MED13: variants seen among roughly 807,000 people sequenced by gnomAD.
The protein encoded by MED13 is mediator complex subunit 13, also known as mediator of RNA polymerase II transcription subunit 13.
In MED13, 23 loss-of-function variants were observed where a neutral mutation model predicts 225.2. That is an observed-to-expected ratio of 0.10 (90% CI 0.07 to 0.14). The LOEUF (loss-of-function observed/expected upper bound fraction) is 0.14. Ranked by LOEUF, MED13 falls within the 10% of genes least tolerant of loss-of-function variation. The pLI, the probability that MED13 is intolerant of heterozygous loss-of-function variation, is 1.00. For synonymous variants in MED13, 942 were observed against 889.2 expected, an observed-to-expected ratio of 1.06 and a Z score of -1.06; for missense variants, 2,197 against 2,594.5, an observed-to-expected ratio of 0.85 and a Z score of 3.33.
At chr17:62,049,727 C>T (rs770145686) in intron 3 of MED13, among the ~76,000 whole-genome samples, 4 of 151,250 alleles carry the variant, frequency 2.6e-5, no homozygotes, top group African/African-American at 4.9e-5. Context: ...GTCAGGAGAT[C>T]GAGACCATCC....
chr17:62,008,470 T>G (rs2080475645), intron 9 of MED13, among the ~76,000 whole-genome samples: 1 of 152,086 alleles, frequency 6.6e-6, no homozygotes, highest in African/African-American at 2.4e-5. Flanking sequence ...GAGATCGCGT[T>G]TTTTTAAATG....
At chr17:61,948,639 A>G (rs1188390438) in intron 28 of MED13, among the ~76,000 whole-genome samples, 1 of 151,774 alleles carries the variant, frequency 6.6e-6, no homozygotes, top group Non-Finnish European at 1.5e-5. Context: ...GACTACTAGT[A>G]TATAGAAAAT....
At chr17:62,034,832 T>G (rs2080788678) in intron 4 of MED13, among the ~76,000 whole-genome samples, 1 of 152,062 alleles carries the variant, frequency 6.6e-6, no homozygotes, top group Non-Finnish European at 1.5e-5. Flanking sequence ...CACATGGCTC[T>G]GGCCGGACAT....
chr17:61,949,186 T>C (rs1567936155), intron 28 of MED13, among the ~76,000 whole-genome samples: 2 of 152,154 alleles, frequency 1.3e-5, no homozygotes, highest in Admixed American at 6.5e-5. Context: ...TTATATCTCA[T>C]TTTGTGACTT....
In MED13 at chr17:61,955,670, G is replaced by A. The variant is rs780332967; in HGVS notation, c.5782+10C>T. The A allele has an allele frequency of 1.9e-6, 3 of 1,587,356 alleles. No individual in the cohort carries two copies. Among genetic ancestry groups the A allele is most frequent in the Non-Finnish European group, 2.6e-6 (3 of 1,173,172 alleles). On this transcript the variant is annotated intron_variant, in intron 25 of 29. Transcript: ENST00000397786. Reference sequence around the variant, plus strand: ...AGAATTAAATCTGATATAAACTAAAGATAGCTAACCTGGCATAATAACAAA... The same window carrying A: ...AGAATTAAATCTGATATAAACTAAAAATAGCTAACCTGGCATAATAACAAA...
intron 9 of MED13, 56 bp from the exon 10 acceptor site, chr17:61,995,421 A>G: frequency 6.4e-6 from 8 of 1,253,794 alleles, no homozygotes; most frequent in Non-Finnish European, 8.8e-6. Flanking sequence ...AAAATTTCCA[A>G]AATGACGTTA....
chr17:62,060,639 C>T (rs1191767049), intron 2 of MED13, among the ~76,000 whole-genome samples: 11 of 137,720 alleles, frequency 8.0e-5, no homozygotes, highest in South Asian at 6.9e-4. Flanking sequence ...AATGAGACTC[C>T]GTCTCAAAAA....
At chr17:61,980,942 T>C (rs1277280590) in intron 16 of MED13, among the ~76,000 whole-genome samples, 3 of 151,970 alleles carry the variant, frequency 2.0e-5, no homozygotes, top group Middle Eastern at 3.4e-3. Context: ...GGCAGGCTGG[T>C]CTCAAACTCC....
chr17:62,061,134 T>C (rs972999920), intron 2 of MED13, among the ~76,000 whole-genome samples: 4 of 152,170 alleles, frequency 2.6e-5, no homozygotes, highest in South Asian at 4.1e-4. Context: ...ACATGAAACC[T>C]AGAAGACAAA....
intron 9 of MED13, chr17:62,006,506 ATT>A (rs2080450274): frequency 6.6e-6 from 1 of 152,176 alleles, no homozygotes; most frequent in Non-Finnish European, 1.5e-5. Context: ...CATAAAGCGA[ATT>A]ATCTGACACC....
intron 8 of MED13, among the ~76,000 whole-genome samples, chr17:62,025,739 G>C (rs1426618871): frequency 6.6e-6 from 1 of 152,170 alleles, no homozygotes; most frequent in Non-Finnish European, 1.5e-5. Context: ...ATTCATCACT[G>C]TTTGCTGACC....
At chr17:62,053,465 C>T (rs1051801912) in intron 2 of MED13, among the ~76,000 whole-genome samples, 1 of 152,126 alleles carries the variant, frequency 6.6e-6, no homozygotes, top group Non-Finnish European at 1.5e-5. Flanking sequence ...AAAACATTAA[C>T]ACAGTCATTT....
chr17:61,971,607 T>C (rs1244311359), intron 17 of MED13, among the ~76,000 whole-genome samples: 1 of 152,144 alleles, frequency 6.6e-6, no homozygotes, highest in African/African-American at 2.4e-5. Flanking sequence ...GCTACCATCT[T>C]AGTTTTTAAA....
rs1567979800 is a variant in MED13 at position 62,015,942 on chromosome 17, A to ATT, written c.1284-4710_1284-4709insAA. 1.5e-3 allele frequency among the ~76,000 whole-genome samples: 15 copies of ATT among 10,036 alleles called. 2 individuals are homozygous for ATT. The highest frequency in any genetic ancestry group is 2.2e-3 in the Non-Finnish European group (10 of 4,552). 6.6% of individuals were successfully genotyped at this position (10,036 alleles called of 152,430 possible). ...TATATATATATATATATATATATAT[A>ATT]TATATATATATATTTTTTTTTTTTT... is the stretch of plus-strand genomic sequence containing the variant. On this transcript the variant is annotated intron_variant, in intron 8 of 29. Coordinates refer to ENST00000397786, the MANE Select transcript of MED13 (RefSeq NM_005121.3).
At chr17:62,062,604 A>ACACACACACACACACACACAC (rs2081049230) in intron 2 of MED13, among the ~76,000 whole-genome samples, 1 of 56,946 alleles carries the variant, frequency 1.8e-5, no homozygotes, top group African/African-American at 1.6e-4. Flanking sequence ...CACACACCAC[A>ACACACACACACACACACACAC]CACACACACA....
At chr17:62,015,990 G>T (rs1252868340) in intron 8 of MED13, among the ~76,000 whole-genome samples, 1 of 66,700 alleles carries the variant, frequency 1.5e-5, no homozygotes, top group Non-Finnish European at 2.8e-5. Flanking sequence ...TTTTAGTAGA[G>T]ACCGGTTTTT....
chr17:62,032,169 GACAA>G (rs1405345475), intron 5 of MED13, among the ~76,000 whole-genome samples: 1 of 151,132 alleles, frequency 6.6e-6, no homozygotes, highest in Non-Finnish European at 1.5e-5. Flanking sequence ...AAAAAAAACA[GACAA>G]ACAACAACAA....
intron 8 of MED13, among the ~76,000 whole-genome samples, chr17:62,019,333 T>G (rs1006188372): frequency 6.6e-6 from 1 of 152,262 alleles, no homozygotes; most frequent in Non-Finnish European, 1.5e-5. Context: ...CATGTTAATA[T>G]GCACTGAAAT....
chr17:62,037,365 T>G (rs2080812790), intron 3 of MED13, among the ~76,000 whole-genome samples: 1 of 151,968 alleles, frequency 6.6e-6, no homozygotes, highest in African/African-American at 2.4e-5. Flanking sequence ...TCATTCTTGT[T>G]AAGAAAGCAG....
Sources: gnomAD v4.1 joint callset for allele counts (sites outside exome capture counted in the v4.1 genomes callset) on GRCh38, gnomAD v4.1.1 for gene constraint, MANE v1.5 for transcripts, NCBI Gene and HGNC (gene_info 2026-07-23, HGNC 2026-07-21) for gene names.